The following SYNE1 variants were observed in gnomAD, a reference collection of about 807,000 sequenced individuals.
The protein encoded by SYNE1 is nesprin-1.
SYNE1 carries 616 observed loss-of-function variants against 1,111.0 expected under a neutral mutation model. That is an observed-to-expected ratio of 0.55 (90% CI 0.52 to 0.59). The LOEUF (loss-of-function observed/expected upper bound fraction) is 0.59. Among genes scored for constraint, SYNE1 ranks in the 20% least tolerant of loss-of-function variants. SYNE1 has a pLI of 0.00. For synonymous variants in SYNE1, 3,855 were observed against 3,825.8 expected, an observed-to-expected ratio of 1.01 and a Z score of -0.28; for missense variants, 10,006 against 10,417.0, an observed-to-expected ratio of 0.96 and a Z score of 1.72.
In SYNE1 at chr6:152,330,540, A is replaced by G; in HGVS notation, c.14145T>C (p.Gly4715=). The change falls in exon 78 of 146, where the codon GGT becomes GGC. Residue 4715 remains glycine (G), a synonymous_variant. Coordinates refer to ENST00000367255, the MANE Select transcript of SYNE1 (RefSeq NM_182961.4). ...CCACCTCGTCCAGAATGGCTCTGCAACCATCTTGCAGAGAAAGAGCCTCCT... is the reference window on the plus strand; with the variant it reads ...CCACCTCGTCCAGAATGGCTCTGCAGCCATCTTGCAGAGAAAGAGCCTCCT... ...AVEEALSLQD[G]CRAILDEVAG... 6.2e-7 allele frequency: 1 copy of G among 1,614,140 alleles called. No individual in the cohort carries two copies. Among genetic ancestry groups the G allele is most frequent in the Non-Finnish European group, 8.5e-7 (1 of 1,180,024 alleles).
rs910297907 is a variant in SYNE1 at position 152,596,128 on chromosome 6, G to T, written c.67+32137C>A. The stretch of plus-strand genomic sequence containing the variant: ...AAAAAAAAAAAAAAAAAAAAAAAAA[G>T]CCTCTTGTGATCTGTGTCCCTGGGT... On this transcript the variant is annotated intron_variant, in intron 3 of 145. Coordinates refer to ENST00000367255, the MANE Select transcript of SYNE1 (RefSeq NM_182961.4). 6.4e-5 allele frequency among the ~76,000 whole-genome samples: 3 copies of T among 46,906 alleles called. No individual in the cohort carries two copies. In the East Asian group the frequency reaches 1.5e-3, roughly 24 times the overall value. 30.8% of individuals were successfully genotyped at this position (46,906 alleles called of 152,430 possible).
chr6:152,326,146 G>A (rs532100215), intron 79 of SYNE1, 44 bp from the exon 80 acceptor site: 70 of 1,613,954 alleles, frequency 4.3e-5, no homozygotes, highest in South Asian at 3.2e-4. Context: ...ACGAAATCAC[G>A]TATTTCTACA....
At chr6:152,190,396 T>C (rs1383142207) in intron 127 of SYNE1, among the ~76,000 whole-genome samples, 3 of 152,218 alleles carry the variant, frequency 2.0e-5, no homozygotes, top group East Asian at 1.9e-4. Context: ...CACATGTTAA[T>C]GTTGACATTT....
chr6:152,452,282 C>T (rs573368179), intron 25 of SYNE1, among the ~76,000 whole-genome samples: 5 of 152,108 alleles, frequency 3.3e-5, no homozygotes, highest in African/African-American at 1.2e-4. Flanking sequence ...TGGAAAGTCC[C>T]ACCTAGATTA....
chr6:152,461,558 G>C, intron 21 of SYNE1, 39 bp downstream of exon 21: 1 of 1,613,400 alleles, frequency 6.2e-7, no homozygotes, highest in Non-Finnish European at 8.5e-7. Context: ...GGCACTGTTG[G>C]TGTCACACAG....
chr6:152,454,855 C>A (rs1394547808), intron 24 of SYNE1, among the ~76,000 whole-genome samples: 1 of 152,136 alleles, frequency 6.6e-6, no homozygotes, highest in African/African-American at 2.4e-5. Context: ...GGAAAGATAA[C>A]TCAAATACAT....
chr6:152,308,429 A>C, intron 91 of SYNE1, 60 bp downstream of exon 91: 1 of 1,611,518 alleles, frequency 6.2e-7, no homozygotes, highest in Non-Finnish European at 8.5e-7. Context: ...CTAGAAACCA[A>C]ACATATACTC....
chr6:152,278,523 A>C (rs1049852987), intron 97 of SYNE1, among the ~76,000 whole-genome samples: 4 of 149,658 alleles, frequency 2.7e-5, no homozygotes, highest in Admixed American at 2.0e-4. Flanking sequence ...AGTTTAGTGG[A>C]GCGATCTTGA....
intron 12 of SYNE1, among the ~76,000 whole-genome samples, chr6:152,487,802 A>C (rs2098948753): frequency 6.6e-6 from 1 of 152,152 alleles, no homozygotes; most frequent in Non-Finnish European, 1.5e-5. Flanking sequence ...CTGGCCGGGC[A>C]TGGTGGCTCA....
In SYNE1 at chr6:152,219,148, A is replaced by C; in HGVS notation, c.21899T>G (p.Leu7300Arg). ...CTCTCCCAGCTCATGGAGAAAAAAG[A>C]GGGAATCTTTAACTGTGCCCAGTCC... ...LKGLGTVKDS[L>R]FFLHELGEQL... Residue 7300 changes from leucine (L) to arginine (R), a missense_variant, in exon 120 of 146, where the codon CTC becomes CGC. By Grantham distance (102) the Leu-to-Arg change is moderately radical. Coordinates refer to ENST00000367255, the MANE Select transcript of SYNE1 (RefSeq NM_182961.4). 6.2e-7 allele frequency: 1 copy of C among 1,614,080 alleles called. No individual in the cohort carries two copies. Among genetic ancestry groups the C allele is most frequent in the Middle Eastern group, 1.7e-4 (1 of 6,046 alleles).
intron 46 of SYNE1, 110 bp from the exon 47 acceptor site, chr6:152,401,451 C>G: frequency 1.9e-6 from 2 of 1,072,438 alleles, no homozygotes; most frequent in Non-Finnish European, 2.8e-6. Context: ...CAAGTCTCAT[C>G]ATGGAAGCCA....
At chr6:152,221,356 GT>G in intron 118 of SYNE1, 69 bp downstream of exon 118, 2 of 1,565,452 alleles carry the variant, frequency 1.3e-6, no homozygotes, top group Non-Finnish European at 1.8e-6. Context: ...AACTGTCATT[GT>G]TTTAATTATA....
At chr6:152,197,549 T>C (rs757507831) in intron 127 of SYNE1, among the ~76,000 whole-genome samples, 23 of 152,336 alleles carry the variant, frequency 1.5e-4, no homozygotes, top group Non-Finnish European at 2.5e-4. Context: ...AGGATAGATA[T>C]TGTGCTAGAA....
chr6:152,577,358 C>T (rs931862928), intron 3 of SYNE1, among the ~76,000 whole-genome samples: 1 of 152,142 alleles, frequency 6.6e-6, no homozygotes, highest in South Asian at 2.1e-4. Flanking sequence ...CTTGCCTGGG[C>T]GCGGTGGCTC....
At chr6:152,455,799 G>A in intron 23 of SYNE1, 87 bp downstream of exon 23, 2 of 1,589,918 alleles carry the variant, frequency 1.3e-6, no homozygotes, top group Non-Finnish European at 1.7e-6. Flanking sequence ...AGGCGTTTTA[G>A]CAAGACCAAA....
At chr6:152,560,337 G>A (rs752207451) in intron 3 of SYNE1, among the ~76,000 whole-genome samples, 5 of 152,054 alleles carry the variant, frequency 3.3e-5, no homozygotes, top group Non-Finnish European at 7.4e-5. Context: ...TTGCACTCCC[G>A]CCTGTGTGAC....
intron 16 of SYNE1, 29 bp downstream of exon 16, chr6:152,471,568 A>G (rs767607274): frequency 6.2e-7 from 1 of 1,610,316 alleles, no homozygotes; most frequent in African/African-American, 1.3e-5. Flanking sequence ...GGCTCATAGG[A>G]ATTCTCTGTC....
chr6:152,370,171 C>T (rs563824400), intron 59 of SYNE1, among the ~76,000 whole-genome samples: 64 of 152,102 alleles, frequency 4.2e-4, no homozygotes, highest in African/African-American at 1.5e-3. Flanking sequence ...TGAGATCACA[C>T]CCATTTCTCA....
rs201450462 is a variant in SYNE1, at chr6:152,218,298, A to C, written c.22150T>G (p.Ser7384Ala). The change falls in exon 121 of 146, where the codon TCT becomes GCT. Residue 7384 changes from serine to alanine, a missense_variant. Transcript: ENST00000367255. Reference sequence around the variant, plus strand: ...CTTTCCTGGATTGTGGAGAGGTCAGATGAGTGGCTAGGGTCCTGCCCTTGT... The same window carrying C: ...CTTTCCTGGATTGTGGAGAGGTCAGCTGAGTGGCTAGGGTCCTGCCCTTGT... ...ILQGQDPSHS[S>A]DLSTIQERME... 3 of 1,613,996 alleles carry C rather than the reference A, an allele frequency of 1.9e-6. No individual in the cohort carries two copies. The highest frequency in any genetic ancestry group is 2.5e-6 in the Non-Finnish European group (3 of 1,180,002).
Sources: allele counts gnomAD v4.1 joint callset (sites outside exome capture counted in the v4.1 genomes callset), GRCh38; gene constraint gnomAD v4.1.1; transcripts MANE v1.5; gene names NCBI Gene and HGNC (gene_info 2026-07-23, HGNC 2026-07-21).